The following PDE4D variants were observed in gnomAD, a reference collection of about 807,000 sequenced individuals.
PDE4D encodes phosphodiesterase 4D.
In PDE4D, 24 loss-of-function variants were observed where a neutral mutation model predicts 87.4. The observed-to-expected ratio is 0.27, with a 90% CI of 0.20 to 0.39. The LOEUF (loss-of-function observed/expected upper bound fraction) is 0.39. Among genes scored for constraint, PDE4D ranks in the 10% least tolerant of loss-of-function variants. The probability of loss-of-function intolerance (pLI) is 1.00; values close to 1 mark genes in which losing one functional copy is unlikely to be tolerated. For missense variants in PDE4D, 714 were observed against 1,041.0 expected, an observed-to-expected ratio of 0.69 and a Z score of 4.32; for synonymous variants, 384 against 383.2, an observed-to-expected ratio of 1.00 and a Z score of -0.02.
intron 5 of PDE4D, among the ~76,000 whole-genome samples, chr5:59,144,197 A>G (rs978178405): frequency 6.6e-6 from 1 of 152,232 alleles, no homozygotes; most frequent in African/African-American, 2.4e-5. Context: ...TCAGTTGTGC[A>G]CAAAGCCAAA....
chr5:60,037,512 CT>C (rs1438651446), intron 2 of PDE4D, among the ~76,000 whole-genome samples: 2 of 152,116 alleles, frequency 1.3e-5, no homozygotes, highest in African/African-American at 2.4e-5. Context: ...TTATTCGTTG[CT>C]TTCCTCATTC....
intron 1 of PDE4D, chr5:59,587,645 G>A (rs1825363161): frequency 1.0e-6 from 1 of 983,884 alleles, no homozygotes; most frequent in African/African-American, 1.7e-5. Context: ...TGGCTCAGCT[G>A]CAGAGACTGC....
chr5:60,443,842 TCA>T (rs1455465072), intron 1 of PDE4D, among the ~76,000 whole-genome samples: 7 of 152,082 alleles, frequency 4.6e-5, no homozygotes, highest in Admixed American at 6.6e-5. Context: ...ATTCAATTAC[TCA>T]CAAAATATTT....
intron 1 of PDE4D, among the ~76,000 whole-genome samples, chr5:60,336,810 G>GT (rs1757790853): frequency 6.6e-6 from 1 of 152,142 alleles, no homozygotes; most frequent in East Asian, 1.9e-4. Context: ...CCCATCCAGT[G>GT]GGGTTGGGTT....
At chr5:59,583,376 C>T (rs1400336701) in intron 1 of PDE4D, among the ~76,000 whole-genome samples, 1 of 152,106 alleles carries the variant, frequency 6.6e-6, no homozygotes, top group Non-Finnish European at 1.5e-5. Context: ...CATACTTGTT[C>T]CTGAATGCCA....
chr5:59,609,124 A>T (rs1276831725), intron 1 of PDE4D, among the ~76,000 whole-genome samples: 3 of 152,174 alleles, frequency 2.0e-5, no homozygotes, highest in Non-Finnish European at 4.4e-5. Flanking sequence ...TACATGATTG[A>T]AGATCATATG....
intron 1 of PDE4D, among the ~76,000 whole-genome samples, chr5:59,478,882 C>T (rs1803759337): frequency 7.0e-6 from 1 of 142,594 alleles, no homozygotes; most frequent in Non-Finnish European, 1.5e-5. Context: ...CTGCTCCTGT[C>T]AATGAATTCT....
At chr5:59,078,352 T>C (rs1766070768) in intron 5 of PDE4D, among the ~76,000 whole-genome samples, 1 of 152,150 alleles carries the variant, frequency 6.6e-6, no homozygotes, top group African/African-American at 2.4e-5. Context: ...GTATATCACT[T>C]TTGATTTTTA....
In PDE4D at chr5:60,150,068, TG is replaced by T. The variant is rs552177672; in HGVS notation, c.42+35488del. Among the ~76,000 whole-genome samples the T allele has an allele frequency of 2.1e-4, 31 of 148,068 alleles. No individual in the cohort carries two copies. In the East Asian group the frequency reaches 2.9e-3, roughly 14 times the overall value. ...ATATAATTCTATATACTAGTATATA[TG>T]ACTAGTATATAGAATTATATATACT... On this transcript the variant is annotated intron_variant, in intron 2 of 16. Coordinates refer to the PDE4D transcript ENST00000502484.
intron 1 of PDE4D, among the ~76,000 whole-genome samples, chr5:59,431,942 T>C (rs1796169273): frequency 6.6e-6 from 1 of 152,146 alleles, no homozygotes; most frequent in South Asian, 2.1e-4. Context: ...TCCATGTCCC[T>C]GCAAAAGACA....
intron 1 of PDE4D, among the ~76,000 whole-genome samples, chr5:59,542,661 C>T (rs1177469164): frequency 1.3e-5 from 2 of 152,192 alleles, no homozygotes; most frequent in South Asian, 2.1e-4. Context: ...AAATCTCTCT[C>T]TTGAAATTCT....
At chr5:59,319,153 CAT>C (rs1227231357) in intron 1 of PDE4D, among the ~76,000 whole-genome samples, 20 of 119,012 alleles carry the variant, frequency 1.7e-4, no homozygotes, top group African/African-American at 4.1e-4. Context: ...TGAGAGAGTA[CAT>C]ATATATGTGT....
intron 2 of PDE4D, among the ~76,000 whole-genome samples, chr5:60,129,977 G>A (rs151242845): frequency 0.024 from 3,646 of 152,222 alleles, 65 homozygotes; most frequent in Non-Finnish European, 0.035. Flanking sequence ...ATTATATCAT[G>A]AAGGAGGAAC....
upstream of PDE4D, among the ~76,000 whole-genome samples, chr5:59,897,464 T>TA (rs757592476): frequency 3.3e-5 from 5 of 152,108 alleles, no homozygotes; most frequent in African/African-American, 4.8e-5. Flanking sequence ...TTACTTTTTT[T>TA]ATTATACTTT....
intron 1 of PDE4D, among the ~76,000 whole-genome samples, chr5:59,631,587 C>T (rs1831567751): frequency 6.6e-6 from 1 of 151,976 alleles, no homozygotes; most frequent in African/African-American, 2.4e-5. Context: ...TGGGTGCAGC[C>T]CACAGAGGGC....
intron 1 of PDE4D, among the ~76,000 whole-genome samples, chr5:59,756,560 A>G (rs1399476075): frequency 6.6e-6 from 1 of 151,166 alleles, no homozygotes; most frequent in Non-Finnish European, 1.5e-5. Flanking sequence ...AGTCATGGTG[A>G]CAAAGTCCAC....
chr5:59,213,890 C>T, intron 2 of PDE4D, among the ~76,000 whole-genome samples: 1 of 152,040 alleles, frequency 6.6e-6, no homozygotes, highest in Non-Finnish European at 1.5e-5. Flanking sequence ...CACCTGTTAT[C>T]TGTCATGTTT....
At chr5:59,464,465 A>G (rs1801262759) in intron 1 of PDE4D, among the ~76,000 whole-genome samples, 1 of 152,168 alleles carries the variant, frequency 6.6e-6, no homozygotes, top group South Asian at 2.1e-4. Context: ...TTGATTCTTT[A>G]CCTTGTCTAT....
chr5:59,836,639 T>TATCTATCTATC (rs1561741309), intron 1 of PDE4D, among the ~76,000 whole-genome samples: 1 of 150,524 alleles, frequency 6.6e-6, no homozygotes, highest in Non-Finnish European at 1.5e-5. Flanking sequence ...TCTATCTATC[T>TATCTATCTATC]ATCTATCTAT....
Sources: gnomAD v4.1 joint callset for allele counts (sites outside exome capture counted in the v4.1 genomes callset) on GRCh38, gnomAD v4.1.1 for gene constraint, MANE v1.5 for transcripts, NCBI Gene and HGNC (gene_info 2026-07-23, HGNC 2026-07-21) for gene names.